SOX6: variants seen among roughly 807,000 people sequenced by gnomAD.
The protein encoded by SOX6 is transcription factor SOX-6.
SOX6 carries 11 observed loss-of-function variants against 97.8 expected under a neutral mutation model. The ratio of observed to expected loss-of-function variants is 0.11; its 90% CI spans 0.07 to 0.19. The LOEUF is 0.19. SOX6 is among the 10% of genes least tolerant of loss of function. SOX6 has a pLI of 1.00. For missense variants in SOX6, 810 were observed against 1,039.5 expected, an observed-to-expected ratio of 0.78 and a Z score of 3.04; for synonymous variants, 360 against 371.4, an observed-to-expected ratio of 0.97 and a Z score of 0.35.
At chr11:16,259,030 GA>G (rs1302131912) in intron 3 of SOX6, among the ~76,000 whole-genome samples, 13 of 151,302 alleles carry the variant, frequency 8.6e-5, no homozygotes, top group Non-Finnish European at 1.0e-4. Context: ...AAGGAGAAAA[GA>G]AATAAAATTC....
chr11:16,182,733 A>G (rs796437690), intron 6 of SOX6, among the ~76,000 whole-genome samples: 1 of 152,000 alleles, frequency 6.6e-6, no homozygotes, highest in African/African-American at 2.4e-5. Context: ...AGCTGGACAA[A>G]ATGCCAATTA....
At chr11:16,688,101 T>A (rs1191980563) in intron 3 of SOX6, among the ~76,000 whole-genome samples, 2 of 152,038 alleles carry the variant, frequency 1.3e-5, no homozygotes, top group East Asian at 3.9e-4. Flanking sequence ...GCCTCCCAAG[T>A]AGCTGGGAAC....
intron 6 of SOX6, among the ~76,000 whole-genome samples, chr11:16,168,450 G>A (rs1454252805): frequency 2.0e-5 from 3 of 152,158 alleles, no homozygotes; most frequent in Non-Finnish European, 4.4e-5. Flanking sequence ...TCTCATTTCT[G>A]AAGTCCCTAC....
chr11:16,522,162 C>A (rs10832631), intron 4 of SOX6, among the ~76,000 whole-genome samples: 28,239 of 151,838 alleles, frequency 0.19, 3,037 homozygotes, highest in East Asian at 0.37. Flanking sequence ...AAGAGCAACT[C>A]CAAGACACAT....
At chr11:16,103,674 C>A (rs1490987411) in intron 7 of SOX6, among the ~76,000 whole-genome samples, 1 of 151,648 alleles carries the variant, frequency 6.6e-6, no homozygotes, top group African/African-American at 2.4e-5. Context: ...TATATATACA[C>A]CATGGAATAC....
chr11:16,462,330 T>G (rs1454735192), intron 1 of SOX6, among the ~76,000 whole-genome samples: 1 of 152,262 alleles, frequency 6.6e-6, no homozygotes, highest in Non-Finnish European at 1.5e-5. Flanking sequence ...AAGATAGTTA[T>G]TGCTTCACAT....
intron 2 of SOX6, among the ~76,000 whole-genome samples, chr11:16,721,516 C>G (rs1209834829): frequency 4.8e-5 from 3 of 62,146 alleles, no homozygotes; most frequent in East Asian, 5.8e-4. Flanking sequence ...CTCTCTCTCT[C>G]TCTCTCTCTC....
intron 4 of SOX6, among the ~76,000 whole-genome samples, chr11:16,502,155 CT>C (rs1860719048): frequency 6.6e-6 from 1 of 152,164 alleles, no homozygotes; most frequent in Non-Finnish European, 1.5e-5. Context: ...AGTTCATGTC[CT>C]TTGTAGGGAC....
At chr11:16,222,766 C>G (rs1194233522) in intron 4 of SOX6, among the ~76,000 whole-genome samples, 4 of 151,952 alleles carry the variant, frequency 2.6e-5, no homozygotes, top group African/African-American at 9.7e-5. Context: ...TTATTGATTC[C>G]CTACTTCATG....
At chr11:16,229,236 G>T (rs943151799) in intron 4 of SOX6, among the ~76,000 whole-genome samples, 1 of 151,962 alleles carries the variant, frequency 6.6e-6, no homozygotes, top group African/African-American at 2.4e-5. Context: ...TGAATATTTA[G>T]AAAATAATGA....
intron 2 of SOX6, among the ~76,000 whole-genome samples, chr11:16,335,017 T>C (rs1424253851): frequency 6.6e-6 from 1 of 152,172 alleles, no homozygotes; most frequent in Admixed American, 6.6e-5. Context: ...CTAGACAACA[T>C]TTGCTGTCTA....
At chr11:16,499,004 A>C (rs1287847965) in intron 4 of SOX6, among the ~76,000 whole-genome samples, 3 of 152,228 alleles carry the variant, frequency 2.0e-5, no homozygotes, top group Admixed American at 6.5e-5. Context: ...AACAGAATAT[A>C]CATGCTTTTC....
intron 3 of SOX6, among the ~76,000 whole-genome samples, chr11:16,243,610 C>T (rs1219558180): frequency 6.6e-6 from 1 of 151,478 alleles, no homozygotes; most frequent in Non-Finnish European, 1.5e-5. Flanking sequence ...GTAGCTCCAC[C>T]CTCCCGAAAG....
At chr11:16,493,101 A>G (rs1860536757) in intron 4 of SOX6, among the ~76,000 whole-genome samples, 2 of 152,216 alleles carry the variant, frequency 1.3e-5, no homozygotes, top group African/African-American at 4.8e-5. Flanking sequence ...CAGAAATTCT[A>G]CTTCTAAGAA....
intron 4 of SOX6, among the ~76,000 whole-genome samples, chr11:16,226,882 G>T (rs1420257602): frequency 1.3e-5 from 2 of 152,136 alleles, no homozygotes; most frequent in Non-Finnish European, 2.9e-5. Flanking sequence ...TTTGTGGGTT[G>T]CGGGAGGGAG....
intron 4 of SOX6, among the ~76,000 whole-genome samples, chr11:16,509,685 T>A (rs924498415): frequency 2.0e-5 from 3 of 152,066 alleles, no homozygotes; most frequent in Non-Finnish European, 4.4e-5. Context: ...ACTCCCTTTT[T>A]AAATTTTTAA....
chr11:16,328,986 A>G (rs1214401108), intron 2 of SOX6, among the ~76,000 whole-genome samples: 1 of 152,186 alleles, frequency 6.6e-6, no homozygotes, highest in Non-Finnish European at 1.5e-5. Flanking sequence ...TTTGAATGAT[A>G]GTGAAAGTGT....
chr11:16,455,131 TCTGA>T (rs995077516), intron 1 of SOX6, among the ~76,000 whole-genome samples: 2 of 152,000 alleles, frequency 1.3e-5, no homozygotes, highest in Non-Finnish European at 2.9e-5. Context: ...AATATAAGTC[TCTGA>T]CTACTGAAAT....
intron 4 of SOX6, among the ~76,000 whole-genome samples, chr11:16,530,082 C>T (rs1301753251): frequency 6.6e-6 from 1 of 151,658 alleles, no homozygotes; most frequent in East Asian, 1.9e-4. Context: ...GAAAAAAAAA[C>T]ACAGCTTTGC....
Sources: allele counts gnomAD v4.1 joint callset (sites outside exome capture counted in the v4.1 genomes callset), GRCh38; gene constraint gnomAD v4.1.1; transcripts MANE v1.5; gene names NCBI Gene and HGNC (gene_info 2026-07-23, HGNC 2026-07-21).